The following E2F2 variants were observed in gnomAD, a reference collection of about 807,000 sequenced individuals.
E2F2 encodes transcription factor E2F2.
Under a neutral mutation model 42.2 loss-of-function variants are expected in E2F2, and 22 were observed. That is an observed-to-expected ratio of 0.52 (90% CI 0.37 to 0.74). E2F2 has a LOEUF of 0.74. E2F2 is among the 30% of genes least tolerant of loss of function. The pLI is 0.00. For synonymous variants in E2F2, 248 were observed against 251.6 expected (o/e 0.99, Z 0.13); for missense variants, 481 against 557.8 (o/e 0.86, Z 1.39).
In E2F2 at chr1:23,530,758, A is replaced by G. The variant is rs1220887143; in HGVS notation, c.36T>C (p.Ala12=). ...CGGGCACCACCTTCGGGGTCTGCCC[A>G]GCGGCCGAAGCCAAGGCCCGGGGCC... is the stretch of plus-strand genomic sequence containing the variant. ...LQGPRALASA[A]GQTPKVVPAM... The change falls in exon 1 of 7, where the codon GCT becomes GCC. Residue 12 remains alanine (A), a synonymous_variant. Transcript: ENST00000361729. The surrounding 1 kb of genome is among the most constrained non-coding windows in gnomAD (Gnocchi z 4.4). 6.4e-7 allele frequency: 1 copy of G among 1,573,810 alleles called. No individual in the cohort carries two copies. Among genetic ancestry groups the G allele is most frequent in the Non-Finnish European group, 8.6e-7 (1 of 1,158,552 alleles).
chr1:23,509,868 A>AGGCTGCTGGG lies in E2F2; in HGVS notation c.*11_*12insCCCAGCAGCC. ...GAGTCGGGGGCAGGCTGCTGGGGGC[A>AGGCTGCTGGG]GGCAGGGCCACTCAATTAATCAACA... On this transcript the variant is annotated 3_prime_UTR_variant, in exon 7 of 7. Coordinates refer to ENST00000361729, the MANE Select transcript of E2F2 (RefSeq NM_004091.4). The AGGCTGCTGGG allele has an allele frequency of 6.6e-7, 1 of 1,524,854 alleles. No individual in the cohort carries two copies. The highest frequency in any genetic ancestry group is 2.4e-5 in the East Asian group (1 of 42,002). 94.5% of individuals were successfully genotyped at this position (1,524,854 alleles called of 1,614,324 possible). A position where few individuals can be genotyped will look rare whatever the true frequency, so the allele number is the denominator to read the frequency against.
chr1:23,524,338 G>A, intron 2 of E2F2, 45 bp downstream of exon 2: 1 of 1,456,540 alleles, frequency 6.9e-7, no homozygotes, highest in Non-Finnish European at 9.4e-7. Flanking sequence ...ACTGCCCTCT[G>A]CCCCTGCCCC....
At position 23,509,947 on chromosome 1, in the gene E2F2, A is replaced by G. The variant is rs1642875645; in HGVS notation, c.1247T>C (p.Leu416Ser). ...SLDQDDYLWG[L>S]EAGEGISDLF... ...ATCGCTGATGCCCTCACCCGCCTCC[A>G]AGCCCCACAGGTAGTCGTCCTGGTC... Residue 416 changes from leucine (L) to serine (S), a missense_variant, in exon 7 of 7, where the codon TTG (leucine) becomes TCG (serine). Physicochemically the swap from Leu to Ser is moderately radical, Grantham distance 145 (BLOSUM62 -2). Transcript: ENST00000361729. 1 of 1,608,562 alleles carries G rather than the reference A, an allele frequency of 6.2e-7. No individual in the cohort carries two copies. The highest frequency in any genetic ancestry group is 8.5e-7 in the Non-Finnish European group (1 of 1,176,964).
intron 6 of E2F2, among the ~76,000 whole-genome samples, chr1:23,510,411 T>C (rs1275992793): frequency 2.0e-5 from 3 of 152,136 alleles, no homozygotes; most frequent in Non-Finnish European, 4.4e-5. Flanking sequence ...CTGCAACCTC[T>C]GCCTCCCAGG....
At chr1:23,522,950 C>T (rs1643180847) in intron 2 of E2F2, among the ~76,000 whole-genome samples, 1 of 152,162 alleles carries the variant, frequency 6.6e-6, no homozygotes, top group South Asian at 2.1e-4. Context: ...AGACAGTGCT[C>T]TGGGCAGCCT....
chr1:23,516,304 C>T (rs372276856), intron 6 of E2F2, 31 bp downstream of exon 6: 68 of 1,454,028 alleles, frequency 4.7e-5, no homozygotes, highest in Non-Finnish European at 6.1e-5. Context: ...TCTCTCCCCC[C>T]ACCTCCTGTC....
chr1:23,523,328 T>G (rs933779625), intron 2 of E2F2, among the ~76,000 whole-genome samples: 1 of 152,154 alleles, frequency 6.6e-6, no homozygotes, highest in African/African-American at 2.4e-5. Flanking sequence ...GGCTAATTTT[T>G]GTATTTTTAG....
chr1:23,524,361 A>C, intron 2 of E2F2, 22 bp downstream of exon 2: 1 of 1,481,686 alleles, frequency 6.7e-7, no homozygotes, highest in Non-Finnish European at 9.3e-7. Context: ...CCCACCCCAG[A>C]GGCCCCATCA....
At position 23,524,584 on chromosome 1, in the gene E2F2, G is replaced by A. The variant is rs552109655; in HGVS notation, c.253-96C>T. On this transcript the variant is annotated intron_variant, in intron 1 of 6. Transcript: ENST00000361729. ...GCCAAAGCAATGAAGCCACTTAGCA[G>A]CCACCTCTGTGCCTCAGTTTACCGC... 19 of 1,074,966 alleles carry A rather than the reference G, an allele frequency of 1.8e-5. No individual in the cohort carries two copies. The South Asian group carries it at 2.9e-4, about 16-fold the overall frequency. The allele number at this position is 1,074,966 out of a possible 1,614,324, so 66.6% of individuals were successfully genotyped here. A position where few individuals can be genotyped will look rare whatever the true frequency, so the allele number is the denominator to read the frequency against.
At chr1:23,517,517 G>A (rs902586511) in intron 5 of E2F2, among the ~76,000 whole-genome samples, 32 of 152,184 alleles carry the variant, frequency 2.1e-4, no homozygotes, top group South Asian at 4.1e-4. Context: ...CTCCAAGGGT[G>A]GGGGCAGGAC....
chr1:23,531,122 TC>T lies in E2F2; in HGVS notation c.-330del. ...GGGTCCGGCCGGCTCTGGGGAGGGG[TC>T]CCCGGCGTGCCCTCAAGCTCGGCGG... On this transcript the variant is annotated 5_prime_UTR_variant, in exon 1 of 7. Transcript: ENST00000361729. 2 of 289,686 alleles carry T rather than the reference TC, an allele frequency of 6.9e-6. No homozygotes were observed. 17.9% of individuals were successfully genotyped at this position (289,686 alleles called of 1,614,324 possible). A position where few individuals can be genotyped will look rare whatever the true frequency, so the allele number is the denominator to read the frequency against.
At chr1:23,516,807 G>GT (rs1643031545) in intron 5 of E2F2, among the ~76,000 whole-genome samples, 1 of 138,880 alleles carries the variant, frequency 7.2e-6, no homozygotes, top group East Asian at 2.6e-4. Context: ...GCGGGGGGGG[G>GT]GGGGCAGCAC....
intron 1 of E2F2, 39 bp from the exon 2 acceptor site, chr1:23,524,527 T>A (rs773991843): frequency 1.3e-6 from 2 of 1,590,570 alleles, no homozygotes; most frequent in South Asian, 2.2e-5. Flanking sequence ...AGTTTGAGAA[T>A]CATTCCTCCT....
At chr1:23,518,654 G>A (rs1009477576) in intron 5 of E2F2, among the ~76,000 whole-genome samples, 1 of 152,036 alleles carries the variant, frequency 6.6e-6, no homozygotes, top group African/African-American at 2.4e-5. Context: ...AGCCTCATAG[G>A]GAGTGTCAGG....
chr1:23,527,554 C>T (rs3218138), intron 1 of E2F2, among the ~76,000 whole-genome samples: 15 of 152,200 alleles, frequency 9.9e-5, no homozygotes, highest in Admixed American at 3.9e-4. Context: ...ACGGGCACCA[C>T]GGTGAGGAAA....
chr1:23,530,436 T>C lies in E2F2; in HGVS notation c.252+106A>G. On this transcript the variant is annotated intron_variant, in intron 1 of 6. Transcript: ENST00000361729. This position sits in a 1 kb window ranked among gnomAD's most constrained non-coding sequence, Gnocchi z 4.4. ...GAAACTGAAAGCTCATCTTCCCTCT[T>C]CCCAAAACTCTACCTGCTCCACTCA... The C allele has an allele frequency of 6.9e-7, 1 of 1,458,236 alleles. No homozygotes were observed. Among genetic ancestry groups the C allele is most frequent in the Non-Finnish European group, 9.1e-7 (1 of 1,096,330 alleles). The allele number at this position is 1,458,236 out of a possible 1,614,324, so 90.3% of individuals were successfully genotyped here.
intron 6 of E2F2, 113 bp from the exon 7 acceptor site, chr1:23,510,261 T>C: frequency 7.0e-7 from 1 of 1,419,920 alleles, no homozygotes; most frequent in Non-Finnish European, 9.2e-7. Flanking sequence ...CTCCTTAGCC[T>C]GGGTGGACTG....
Position 23,517,519 on chromosome 1 carries a change from G to A in E2F2, c.853-992C>T, listed in dbSNP as rs74720971. 1.2e-4 allele frequency among the ~76,000 whole-genome samples: 19 copies of A among 152,250 alleles called. No homozygotes were observed. In the East Asian group the frequency reaches 3.7e-3, roughly 29 times the overall value. The stretch of plus-strand genomic sequence containing the variant: ...AAGTCGTGAACTCCTCCAAGGGTGG[G>A]GGCAGGACCTTAATTGTCTCTGCAG... On this transcript the variant is annotated intron_variant, in intron 5 of 6. Coordinates refer to ENST00000361729, the MANE Select transcript of E2F2 (RefSeq NM_004091.4).
intron 6 of E2F2, 26 bp downstream of exon 6, chr1:23,516,309 C>T (rs1643015555): frequency 6.8e-7 from 1 of 1,468,444 alleles, no homozygotes; most frequent in Admixed American, 2.8e-5. Flanking sequence ...CCCCCCACCT[C>T]CTGTCCCTCT....
Sources: allele counts gnomAD v4.1 joint callset (sites outside exome capture counted in the v4.1 genomes callset), GRCh38; gene constraint gnomAD v4.1.1; non-coding constraint Gnocchi (gnomAD v3.1); transcripts MANE v1.5; gene names NCBI Gene and HGNC (gene_info 2026-07-23, HGNC 2026-07-21).